EDARADD: variants seen among roughly 807,000 people sequenced by gnomAD.
EDARADD encodes the protein EDAR associated via death domain, also known as ectodysplasin-A receptor-associated adapter protein.
Under a neutral mutation model 25.6 loss-of-function variants are expected in EDARADD, and 20 were observed. The observed-to-expected ratio is 0.78, with a 90% CI of 0.55 to 1.14. The LOEUF is 1.14. Among genes scored for constraint, EDARADD ranks in the 50% most tolerant of loss-of-function variants. The probability of loss-of-function intolerance (pLI) is 0.00; values close to 1 mark genes in which losing one functional copy is unlikely to be tolerated. For synonymous variants in EDARADD, 86 were observed against 94.4 expected, an observed-to-expected ratio of 0.91 and a Z score of 0.52; for missense variants, 225 against 270.1, an observed-to-expected ratio of 0.83 and a Z score of 1.17.
intron 1 of EDARADD, among the ~76,000 whole-genome samples, chr1:236,408,886 TG>T (rs1032483227): frequency 3.3e-5 from 5 of 152,048 alleles, no homozygotes; most frequent in African/African-American, 1.2e-4. Flanking sequence ...CCTGGGTAGC[TG>T]GGATTACAGG....
chr1:236,424,023 T>G (rs1311380906), intron 3 of EDARADD, among the ~76,000 whole-genome samples: 1 of 151,792 alleles, frequency 6.6e-6, no homozygotes, highest in African/African-American at 2.4e-5. Context: ...GGAGAATCAC[T>G]CAAACCTGGG....
Position 236,378,884 on chromosome 1 carries a change from A to G in EDARADD, c.-6+28045A>G, listed in dbSNP as rs115308774. 3.1e-3 allele frequency among the ~76,000 whole-genome samples: 474 copies of G among 152,268 alleles called. 4 individuals are homozygous for G. The highest frequency in any genetic ancestry group is 0.011 in the African/African-American group (453 of 41,542). On this transcript the variant is annotated intron_variant, in intron 3 of 7. Coordinates refer to the EDARADD transcript ENST00000439430. ...CTTTTTATATTCAAAATTTAGATCC[A>G]TAATCCTCAATCCCAAACTCTATTT...
chr1:236,350,352 TTAGA>T (rs1340713752), intron 2 of EDARADD, among the ~76,000 whole-genome samples: 21 of 152,208 alleles, frequency 1.4e-4, no homozygotes, highest in Admixed American at 6.5e-4. Context: ...GGCATATCCC[TTAGA>T]TAGGAATTTG....
At chr1:236,405,431 C>T (rs1168040271) in intron 1 of EDARADD, among the ~76,000 whole-genome samples, 1 of 152,100 alleles carries the variant, frequency 6.6e-6, no homozygotes, top group Non-Finnish European at 1.5e-5. Flanking sequence ...TTCCCAAATC[C>T]AGAATAATGG....
chr1:236,482,112 C>A (rs1208869222), intron 5 of EDARADD, among the ~76,000 whole-genome samples, 155 bp from the exon 6 acceptor site: 6 of 134,206 alleles, frequency 4.5e-5, no homozygotes, highest in Non-Finnish European at 6.2e-5. Context: ...GAGACTCCAT[C>A]TCAAAAAAAA....
At position 236,483,639 on chromosome 1, in the gene EDARADD, G is replaced by A; in HGVS notation, c.*990G>A. ...CAATGTCATCAATGGCAGTTCTCAT[G>A]CTGTCACCAAGCTGGCCATGCAGGA... On this transcript the variant is annotated 3_prime_UTR_variant, in exon 6 of 6. Transcript: ENST00000334232. 3 of 1,570,136 alleles carry A rather than the reference G, an allele frequency of 1.9e-6. No individual in the cohort carries two copies. Among genetic ancestry groups the A allele is most frequent in the South Asian group, 1.1e-5 (1 of 90,190 alleles).
rs3916983 is a variant in EDARADD at position 236,484,250 on chromosome 1, C to A, written c.*1601C>A. On this transcript the variant is annotated 3_prime_UTR_variant, in exon 6 of 6. Transcript: ENST00000334232. The surrounding 1 kb of genome is among the most constrained non-coding windows in gnomAD (Gnocchi z 4.1). ...TTCAGGCGTGCAAGCTGGCCCAGGC[C>A]AATGGTTGGTGTGTCATGGTGCCTC... 0.079 allele frequency: 75,683 copies of A among 963,846 alleles called. 3,600 individuals carry two copies. Among genetic ancestry groups the A allele is most frequent in the Non-Finnish European group, 0.089 (52,473 of 588,352 alleles). The allele number at this position is 963,846 out of a possible 1,614,324, so 59.7% of individuals were successfully genotyped here.
chr1:236,389,308 G>A (rs1667393710), upstream of EDARADD, among the ~76,000 whole-genome samples: 2 of 152,050 alleles, frequency 1.3e-5, no homozygotes, highest in Admixed American at 1.3e-4. Context: ...TCTCTGCTCT[G>A]CACCTACCAC....
chr1:236,426,946 G>A (rs1407580158), intron 3 of EDARADD, among the ~76,000 whole-genome samples: 1 of 152,018 alleles, frequency 6.6e-6, no homozygotes, highest in African/African-American at 2.4e-5. Context: ...CAATGGCGTG[G>A]TCTCAGCTCA....
intron 2 of EDARADD, among the ~76,000 whole-genome samples, chr1:236,412,924 G>A (rs563969350): frequency 3.9e-5 from 6 of 152,286 alleles, no homozygotes; most frequent in East Asian, 3.9e-4. Context: ...GCTGGAGTGC[G>A]ATGGCACGAT....
chr1:236,380,512 G>A (rs79924896), intron 3 of EDARADD, among the ~76,000 whole-genome samples: 293 of 152,188 alleles, frequency 1.9e-3, no homozygotes, highest in African/African-American at 6.8e-3. Flanking sequence ...CTAAGCAGGT[G>A]CCTTTGTAAA....
intron 4 of EDARADD, among the ~76,000 whole-genome samples, chr1:236,448,207 G>A (rs1242286499): frequency 6.6e-6 from 1 of 152,236 alleles, no homozygotes; most frequent in Non-Finnish European, 1.5e-5. Context: ...GTGGCCTGGG[G>A]TAGACTCCAA....
chr1:236,431,051 G>T (rs971237584), intron 4 of EDARADD, among the ~76,000 whole-genome samples: 64 of 152,154 alleles, frequency 4.2e-4, no homozygotes, highest in Non-Finnish European at 6.9e-4. Flanking sequence ...GCAGGTGGAG[G>T]TTGCAGTGAG....
At chr1:236,421,430 GC>G (rs1328156023) in intron 3 of EDARADD, among the ~76,000 whole-genome samples, 1 of 144,092 alleles carries the variant, frequency 6.9e-6, no homozygotes, top group Non-Finnish European at 1.5e-5. Flanking sequence ...GGGGACTTTG[GC>G]CATGGGAGCA....
Position 236,370,894 on chromosome 1 carries a change from T to C in EDARADD, c.-6+20055T>C, listed in dbSNP as rs751672191. On this transcript the variant is annotated intron_variant, in intron 3 of 7. Coordinates refer to the EDARADD transcript ENST00000439430. ...GCAAGAAGGAGGTCTTTGTTTAAAC[T>C]GTAAACTATAAACTAAGTTTCTTTC... Among the ~76,000 whole-genome samples, 88 of 152,344 alleles carry C rather than the reference T, an allele frequency of 5.8e-4. No individual in the cohort carries two copies. In the Middle Eastern group the frequency reaches 0.01, roughly 18 times the overall value.
rs1403921725 is a variant in EDARADD at position 236,381,787 on chromosome 1, T to TC, written c.-5-27428dup. Among the ~76,000 whole-genome samples, 4 of 143,392 alleles carry TC rather than the reference T, an allele frequency of 2.8e-5. No homozygotes were observed. In the East Asian group the frequency reaches 8.6e-4, roughly 31 times the overall value. The allele number at this position is 143,392 out of a possible 152,430, so 94.1% of individuals were successfully genotyped here. On this transcript the variant is annotated intron_variant, in intron 3 of 7. Coordinates refer to the EDARADD transcript ENST00000439430. ...CCTCTGTAATATGTCTTTTTTTTTT[T>TC]CTTCCTGTGGTTGCTTTTTTTTTTT...
At chr1:236,378,701 G>T (rs1437551064) in intron 3 of EDARADD, among the ~76,000 whole-genome samples, 1 of 152,106 alleles carries the variant, frequency 6.6e-6, no homozygotes, top group African/African-American at 2.4e-5. Flanking sequence ...GATATATTTT[G>T]CAATCTTCAT....
intron 3 of EDARADD, among the ~76,000 whole-genome samples, chr1:236,388,140 G>GTA (rs2102997886): frequency 6.6e-6 from 1 of 152,084 alleles, no homozygotes. Flanking sequence ...GTGTGTGTGT[G>GTA]TGTGTGTATC....
intron 4 of EDARADD, among the ~76,000 whole-genome samples, chr1:236,462,187 A>G (rs1659056696): frequency 6.6e-6 from 1 of 152,186 alleles, no homozygotes; most frequent in Admixed American, 6.5e-5. Context: ...CTAGCATGTC[A>G]GCTCAGGTTG....
Sources: allele counts gnomAD v4.1 joint callset (sites outside exome capture counted in the v4.1 genomes callset), GRCh38; gene constraint gnomAD v4.1.1; non-coding constraint Gnocchi (gnomAD v3.1); transcripts MANE v1.5; gene names NCBI Gene and HGNC (gene_info 2026-07-23, HGNC 2026-07-21).